The following CNTN3 variants were observed in gnomAD, a reference collection of about 807,000 sequenced individuals.
CNTN3 encodes contactin 3.
A neutral mutation model predicts 119.1 loss-of-function variants in CNTN3; 60 were observed. The ratio of observed to expected loss-of-function variants is 0.50; its 90% CI spans 0.41 to 0.62. The LOEUF is 0.62. Among genes scored for constraint, CNTN3 ranks in the 20% least tolerant of loss-of-function variants. The pLI, the probability that CNTN3 is intolerant of heterozygous loss-of-function variation, is 0.00. For synonymous variants in CNTN3, 450 were observed against 438.7 expected, an observed-to-expected ratio of 1.03 and a Z score of -0.32; for missense variants, 1,101 against 1,242.4, an observed-to-expected ratio of 0.89 and a Z score of 1.71.
intron 5 of CNTN3, among the ~76,000 whole-genome samples, chr3:74,374,511 T>G (rs1704426711): frequency 6.6e-6 from 1 of 152,066 alleles, no homozygotes; most frequent in Admixed American, 6.6e-5. Flanking sequence ...CAGTTTCCAC[T>G]GAGACAATCC....
At chr3:74,474,287 C>T (rs1054356239) in intron 4 of CNTN3, among the ~76,000 whole-genome samples, 13 of 152,200 alleles carry the variant, frequency 8.5e-5, no homozygotes, top group South Asian at 8.3e-4. Context: ...AACAACACAA[C>T]AAATGTGCCC....
At chr3:74,536,486 A>G (rs962051489) in intron 1 of CNTN3, among the ~76,000 whole-genome samples, 1 of 152,118 alleles carries the variant, frequency 6.6e-6, no homozygotes, top group African/African-American at 2.4e-5. Context: ...ACTTCCCAAG[A>G]CAGATTTAGG....
chr3:74,447,236 A>G (rs1268318293), intron 4 of CNTN3, among the ~76,000 whole-genome samples: 2 of 152,166 alleles, frequency 1.3e-5, no homozygotes, highest in Non-Finnish European at 2.9e-5. Context: ...TACAGAAAGG[A>G]ATACTGTTAG....
intron 19 of CNTN3, among the ~76,000 whole-genome samples, chr3:74,291,803 C>T (rs1702237443): frequency 6.6e-6 from 1 of 152,124 alleles, no homozygotes; most frequent in African/African-American, 2.4e-5. Context: ...AGATCACTTA[C>T]TTTTGTGTTT....
chr3:74,418,342 C>CCTTTTTTT (rs1701559769), intron 5 of CNTN3, among the ~76,000 whole-genome samples: 1 of 99,632 alleles, frequency 1.0e-5, no homozygotes, highest in Non-Finnish European at 1.9e-5. Flanking sequence ...AAACATATTC[C>CCTTTTTTT]TTTTTTTTTT....
At chr3:74,565,430 T>C (rs535456416) in intron 1 of CNTN3, among the ~76,000 whole-genome samples, 1 of 152,276 alleles carries the variant, frequency 6.6e-6, no homozygotes, top group South Asian at 2.1e-4. Flanking sequence ...AGAAGGTCCC[T>C]TGTGATCACA....
intron 20 of CNTN3, among the ~76,000 whole-genome samples, chr3:74,284,534 G>C (rs968765400): frequency 2.0e-5 from 3 of 152,130 alleles, no homozygotes; most frequent in Non-Finnish European, 4.4e-5. Flanking sequence ...TTGGGATACA[G>C]AATGTTTTCA....
At chr3:74,358,456 T>A (rs971442503) in intron 11 of CNTN3, among the ~76,000 whole-genome samples, 6 of 151,434 alleles carry the variant, frequency 4.0e-5, no homozygotes, top group South Asian at 2.1e-4. Context: ...AAAAAAAAAA[T>A]TCTGTATTTC....
chr3:74,476,522 A>G lies in CNTN3; in HGVS notation c.358+9934T>C, dbSNP rs568742998. Among the ~76,000 whole-genome samples the G allele has an allele frequency of 2.6e-5, 4 of 152,280 alleles. No homozygotes were observed. In the South Asian group the frequency reaches 8.3e-4, roughly 32 times the overall value. ...AAACTCTGCTAAAGATCAAATTCGCATCAAAAATTTAAAAAGACAAAAATA... is the reference window on the plus strand; with the variant it reads ...AAACTCTGCTAAAGATCAAATTCGCGTCAAAAATTTAAAAAGACAAAAATA... On this transcript the variant is annotated intron_variant, in intron 4 of 22. Transcript: ENST00000263665.
chr3:74,561,744 G>A (rs1704157204), intron 1 of CNTN3, among the ~76,000 whole-genome samples: 1 of 152,094 alleles, frequency 6.6e-6, no homozygotes, highest in Admixed American at 6.6e-5. Flanking sequence ...AAAGCTACAA[G>A]AGACTGAGCC....
rs535185510 is a variant in CNTN3 at position 74,527,454 on chromosome 3, T to C, written c.-80-6262A>G. 2.0e-5 allele frequency among the ~76,000 whole-genome samples: 3 copies of C among 152,014 alleles called. No homozygotes were observed. In the South Asian group the frequency reaches 6.2e-4, roughly 32 times the overall value. On this transcript the variant is annotated intron_variant, in intron 1 of 22. Coordinates refer to ENST00000263665, the MANE Select transcript of CNTN3 (RefSeq NM_020872.3). ...ATTGCCAGAACATTCTGAGATGCTATGTGTTGGTTTCAGAGCTTCTTTCAA... is the reference window on the plus strand; with the variant it reads ...ATTGCCAGAACATTCTGAGATGCTACGTGTTGGTTTCAGAGCTTCTTTCAA...
chr3:74,496,082 AT>A (rs1703057867), intron 3 of CNTN3, among the ~76,000 whole-genome samples: 1 of 152,006 alleles, frequency 6.6e-6, no homozygotes, highest in African/African-American at 2.4e-5. Flanking sequence ...GAACAACTGA[AT>A]TTTTAATTTA....
At chr3:74,358,251 A>G (rs1703986523) in intron 11 of CNTN3, among the ~76,000 whole-genome samples, 1 of 152,174 alleles carries the variant, frequency 6.6e-6, no homozygotes, top group African/African-American at 2.4e-5. Flanking sequence ...GGATATCTTC[A>G]TATATGAAAG....
chr3:74,392,486 T>C (rs1704938372), intron 5 of CNTN3, among the ~76,000 whole-genome samples: 1 of 151,568 alleles, frequency 6.6e-6, no homozygotes, highest in South Asian at 2.1e-4. Context: ...TAGAACATCA[T>C]AAAAGAATAT....
chr3:74,301,778 T>A lies in CNTN3; in HGVS notation c.1814A>T (p.Lys605Met). ...RGSPGPPENV[K>M]VDEITDTTAQ... ...TGTTGTGTCTGTAATTTCATCTACC[T>A]TCACATTTTCTGGTGGTCCAGGTGA... is the stretch of plus-strand genomic sequence containing the variant. Residue 605 changes from lysine to methionine, a missense_variant, in exon 15 of 23, where the codon AAG (lysine) becomes ATG (methionine). Transcript: ENST00000263665. 6.2e-7 allele frequency: 1 copy of A among 1,614,076 alleles called. No individual in the cohort carries two copies. The highest frequency in any genetic ancestry group is 8.5e-7 in the Non-Finnish European group (1 of 1,179,930).
At chr3:74,321,652 G>A (rs1376009277) in intron 13 of CNTN3, among the ~76,000 whole-genome samples, 1 of 151,936 alleles carries the variant, frequency 6.6e-6, no homozygotes, top group Non-Finnish European at 1.5e-5. Flanking sequence ...TCTCTAGCTA[G>A]GCTACTTAAG....
chr3:74,545,164 T>C (rs1703897082), intron 1 of CNTN3, among the ~76,000 whole-genome samples: 1 of 152,140 alleles, frequency 6.6e-6, no homozygotes, highest in Admixed American at 6.5e-5. Context: ...ACAAAAATAA[T>C]AAAAAGTAAT....
chr3:74,387,133 T>C (rs533246320), intron 5 of CNTN3, among the ~76,000 whole-genome samples: 1 of 152,214 alleles, frequency 6.6e-6, no homozygotes, highest in African/African-American at 2.4e-5. Flanking sequence ...GTGACTCCTA[T>C]GGCCAATCAG....
intron 8 of CNTN3, 140 bp downstream of exon 8, chr3:74,369,049 T>C: frequency 1.9e-6 from 1 of 521,810 alleles, no homozygotes; most frequent in Middle Eastern, 2.9e-4. Flanking sequence ...GATCAATGTT[T>C]ATCATCACTT....
Sources: allele counts gnomAD v4.1 joint callset (sites outside exome capture counted in the v4.1 genomes callset), GRCh38; gene constraint gnomAD v4.1.1; transcripts MANE v1.5; gene names NCBI Gene and HGNC (gene_info 2026-07-23, HGNC 2026-07-21).